CD8B2: variants seen among roughly 807,000 people sequenced by gnomAD.
CD8B2 encodes the protein T-cell surface glycoprotein CD8 beta-2 chain.
CD8B2 carries 11 observed loss-of-function variants against 23.7 expected under a neutral mutation model. The ratio of observed to expected loss-of-function variants is 0.46; its 90% CI spans 0.29 to 0.77. The LOEUF is 0.77. CD8B2 is among the 30% of genes least tolerant of loss of function. CD8B2 has a pLI of 0.09. For synonymous variants in CD8B2, 90 were observed against 109.3 expected, an observed-to-expected ratio of 0.82 and a Z score of 1.10; for missense variants, 197 against 270.5, an observed-to-expected ratio of 0.73 and a Z score of 1.91.
intron 1 of CD8B2, among the ~76,000 whole-genome samples, chr2:106,489,855 G>A (rs1213047423): frequency 2.0e-5 from 3 of 152,168 alleles, no homozygotes; most frequent in Non-Finnish European, 2.9e-5. Context: ...TAAGAAGACA[G>A]AGGCTCAGTG....
At chr2:106,500,560 A>ATAATTAATTAAT (rs1553466760) in intron 3 of CD8B2, among the ~76,000 whole-genome samples, 4,106 of 118,124 alleles carry the variant, frequency 0.035, 20 homozygotes, top group Non-Finnish European at 0.05. Flanking sequence ...AAATAAATAA[A>ATAATTAATTAAT]TAATTAAAAA....
At chr2:106,537,487 C>G (rs373191525) in intron 5 of CD8B2, among the ~76,000 whole-genome samples, 30 of 152,148 alleles carry the variant, frequency 2.0e-4, no homozygotes, top group East Asian at 1.7e-3. Flanking sequence ...ATTTTAAGTA[C>G]AGTATGCACA....
intron 5 of CD8B2, among the ~76,000 whole-genome samples, chr2:106,523,907 A>G (rs1192409158): frequency 6.6e-6 from 1 of 152,150 alleles, no homozygotes; most frequent in Non-Finnish European, 1.5e-5. Flanking sequence ...TGATCTGGTG[A>G]GTTTCAGTCC....
At chr2:106,501,034 G>A (rs1334562216) in intron 3 of CD8B2, among the ~76,000 whole-genome samples, 1 of 152,198 alleles carries the variant, frequency 6.6e-6, no homozygotes, top group African/African-American at 2.4e-5. Flanking sequence ...GGCGGGTGGG[G>A]ACGGAAGTCA....
chr2:106,538,246 G>A (rs891204797), intron 5 of CD8B2, among the ~76,000 whole-genome samples: 6 of 152,130 alleles, frequency 3.9e-5, no homozygotes, highest in African/African-American at 1.4e-4. Flanking sequence ...GTATAGGCAG[G>A]GTGGTCAACT....
intron 2 of CD8B2, among the ~76,000 whole-genome samples, chr2:106,492,477 A>G (rs568007594): frequency 6.6e-6 from 1 of 152,352 alleles, no homozygotes; most frequent in East Asian, 1.9e-4. Context: ...TGAGCATTTT[A>G]CATAAAACAT....
At chr2:106,514,582 C>T (rs1573342264), downstream of CD8B2, among the ~76,000 whole-genome samples, 1 of 151,700 alleles carries the variant, frequency 6.6e-6, no homozygotes, top group Non-Finnish European at 1.5e-5. Flanking sequence ...CCACTGTGCC[C>T]GGCCTGGAAC....
intron 5 of CD8B2, chr2:106,522,011 G>T (rs1050065760): frequency 6.6e-6 from 1 of 152,208 alleles, no homozygotes. Flanking sequence ...CTGCTCTGAT[G>T]CGTGGAGAAG....
intron 1 of CD8B2, among the ~76,000 whole-genome samples, chr2:106,488,327 TC>T (rs1679121387): frequency 6.6e-6 from 1 of 151,296 alleles, no homozygotes; most frequent in African/African-American, 2.4e-5. Context: ...AGAATGGAAT[TC>T]CTGGGTTACC....
intron 5 of CD8B2, among the ~76,000 whole-genome samples, chr2:106,531,135 G>T (rs565405011): frequency 2.0e-5 from 3 of 152,228 alleles, no homozygotes; most frequent in African/African-American, 7.2e-5. Context: ...CTCTCTTGAG[G>T]TCTGAATCAG....
At chr2:106,500,330 C>A (rs1679380119) in intron 3 of CD8B2, among the ~76,000 whole-genome samples, 1 of 133,848 alleles carries the variant, frequency 7.5e-6, no homozygotes, top group Non-Finnish European at 1.6e-5. Flanking sequence ...ACCAGCCTGG[C>A]CAACATGGTG....
At position 106,493,117 on chromosome 2, in the gene CD8B2, T is replaced by A. The variant is rs4254501; in HGVS notation, c.403+1884T>A. Among the ~76,000 whole-genome samples the A allele has an allele frequency of 5.3e-3, 813 of 151,990 alleles. 4 individuals carry two copies. The highest frequency in any genetic ancestry group is 0.018 in the African/African-American group (760 of 41,420). On this transcript the variant is annotated intron_variant, in intron 2 of 5. Coordinates refer to ENST00000643224, the MANE Select transcript of CD8B2 (RefSeq NM_001349727.2). The stretch of plus-strand genomic sequence containing the variant: ...CACTACAGGAATGTCAATGCCTCTC[T>A]CCAGCTCTGGTTTGCAGCCAAACCT...
intron 5 of CD8B2, among the ~76,000 whole-genome samples, chr2:106,517,805 C>T (rs999053208): frequency 2.0e-5 from 3 of 152,014 alleles, no homozygotes; most frequent in Non-Finnish European, 2.9e-5. Flanking sequence ...CTCCGCCTCC[C>T]GGGTTCACGC....
chr2:106,527,995 G>A (rs1679938736), intron 5 of CD8B2, among the ~76,000 whole-genome samples: 1 of 152,142 alleles, frequency 6.6e-6, no homozygotes, highest in East Asian at 1.9e-4. Context: ...CATTCTTTTT[G>A]GGTGAGGTAT....
At chr2:106,526,614 C>A (rs545851693) in intron 5 of CD8B2, among the ~76,000 whole-genome samples, 1 of 152,288 alleles carries the variant, frequency 6.6e-6, no homozygotes, top group South Asian at 2.1e-4. Flanking sequence ...TTTTTATTGT[C>A]AACTAGTATA....
chr2:106,522,458 T>C (rs964765354), intron 5 of CD8B2, among the ~76,000 whole-genome samples: 1 of 152,182 alleles, frequency 6.6e-6, no homozygotes, highest in Non-Finnish European at 1.5e-5. Context: ...CAGTCCAAAA[T>C]CAAATTATTT....
chr2:106,534,168 G>T (rs1680051461), intron 5 of CD8B2, among the ~76,000 whole-genome samples: 1 of 152,196 alleles, frequency 6.6e-6, no homozygotes, highest in Non-Finnish European at 1.5e-5. Context: ...CGTTAGCTAG[G>T]ATGACCAGAC....
In CD8B2 at chr2:106,509,986, A is replaced by G. The variant is rs1229626264; in HGVS notation, c.*3046A>G. On this transcript the variant is annotated 3_prime_UTR_variant, in exon 6 of 6. Transcript: ENST00000643224. Reference sequence around the variant, plus strand: ...CAGATAAATTCAGACACAGTCTAATAAGGGGGTTTAGGCGGCTGCTAAGGA... The same window carrying G: ...CAGATAAATTCAGACACAGTCTAATGAGGGGGTTTAGGCGGCTGCTAAGGA... 6.6e-6 allele frequency: 1 copy of G among 152,228 alleles called. No individual in the cohort carries two copies. The highest frequency in any genetic ancestry group is 2.4e-5 in the African/African-American group (1 of 41,468). The allele number at this position is 152,228 out of a possible 1,614,324, so 9.4% of individuals were successfully genotyped here.
chr2:106,488,213 G>A (rs111263800), intron 1 of CD8B2, among the ~76,000 whole-genome samples: 9 of 151,696 alleles, frequency 5.9e-5, no homozygotes, highest in East Asian at 1.9e-4. Flanking sequence ...CCTGCCCGCC[G>A]GGGGTTCTGG....
Sources: allele counts gnomAD v4.1 joint callset (sites outside exome capture counted in the v4.1 genomes callset), GRCh38; gene constraint gnomAD v4.1.1; transcripts MANE v1.5; gene names NCBI Gene and HGNC (gene_info 2026-07-23, HGNC 2026-07-21).